Variants in KPNA3 observed in about 807,000 individuals in gnomAD.
KPNA3 encodes karyopherin subunit alpha 3.
Under a neutral mutation model 73.8 loss-of-function variants are expected in KPNA3, and 13 were observed. That is an observed-to-expected ratio of 0.18 (90% CI 0.11 to 0.28). KPNA3 has a LOEUF of 0.28. KPNA3 is among the 10% of genes least tolerant of loss of function. KPNA3 has a pLI of 1.00. For synonymous variants in KPNA3, 186 were observed against 206.9 expected, an observed-to-expected ratio of 0.90 and a Z score of 0.87; for missense variants, 360 against 618.1, an observed-to-expected ratio of 0.58 and a Z score of 4.43.
chr13:49,712,698 A>G (rs1364148904), intron 10 of KPNA3, among the ~76,000 whole-genome samples: 1 of 152,166 alleles, frequency 6.6e-6, no homozygotes, highest in Non-Finnish European at 1.5e-5. Flanking sequence ...GAGAAAATAG[A>G]ATAAGCTCAT....
chr13:49,788,641 C>T (rs1255994443), intron 1 of KPNA3, among the ~76,000 whole-genome samples: 1 of 151,122 alleles, frequency 6.6e-6, no homozygotes, highest in Admixed American at 6.6e-5. Flanking sequence ...ACGGCTTGAG[C>T]CTGGGAGGAG....
At chr13:49,710,533 C>G (rs559562855) in intron 11 of KPNA3, among the ~76,000 whole-genome samples, 1 of 152,232 alleles carries the variant, frequency 6.6e-6, no homozygotes, top group Non-Finnish European at 1.5e-5. Context: ...ATGGGAATTG[C>G]AAGGAGGAAT....
At chr13:49,707,056 A>G (rs557981835) in intron 12 of KPNA3, among the ~76,000 whole-genome samples, 2 of 152,232 alleles carry the variant, frequency 1.3e-5, no homozygotes, top group South Asian at 4.2e-4. Flanking sequence ...GCCACTATAC[A>G]ACTGAATTTC....
In KPNA3 at chr13:49,717,440, G is replaced by GAAAAA. The variant is rs61581557; in HGVS notation, c.771+2330_771+2334dup. Among the ~76,000 whole-genome samples the GAAAAA allele has an allele frequency of 5.8e-4, 74 of 126,914 alleles. 1 individual carries two copies. The East Asian group carries it at 8.7e-3, about 15-fold the overall frequency. 83.3% of individuals were successfully genotyped at this position (126,914 alleles called of 152,430 possible). ...GCAAGACTCCATCTCGGAAAAAAAA[G>GAAAAA]AAAAAAAAAAAAAAAAGAATCAAAG... On this transcript the variant is annotated intron_variant, in intron 10 of 16. Transcript: ENST00000261667.
intron 2 of KPNA3, among the ~76,000 whole-genome samples, chr13:49,741,554 C>T (rs1594445675): frequency 2.0e-5 from 3 of 151,570 alleles, no homozygotes; most frequent in East Asian, 3.9e-4. Context: ...CCCAGGTTCA[C>T]GCCATTCTCC....
intron 9 of KPNA3, among the ~76,000 whole-genome samples, chr13:49,721,661 T>C (rs1455106592): frequency 6.6e-6 from 1 of 151,818 alleles, no homozygotes; most frequent in Admixed American, 6.6e-5. Context: ...GTACTAAAAA[T>C]ACAAAAAAAT....
intron 6 of KPNA3, among the ~76,000 whole-genome samples, chr13:49,726,310 C>T (rs1054673942): frequency 6.6e-6 from 1 of 152,068 alleles, no homozygotes; most frequent in African/African-American, 2.4e-5. Context: ...ATTATATTTT[C>T]GAATAGTAAT....
At chr13:49,780,225 C>A (rs904096498) in intron 1 of KPNA3, among the ~76,000 whole-genome samples, 3 of 152,118 alleles carry the variant, frequency 2.0e-5, no homozygotes, top group Non-Finnish European at 2.9e-5. Flanking sequence ...TAGAATACAA[C>A]CACACTCATT....
intron 2 of KPNA3, among the ~76,000 whole-genome samples, chr13:49,742,959 C>T (rs1954586327): frequency 6.6e-6 from 1 of 151,992 alleles, no homozygotes; most frequent in African/African-American, 2.4e-5. Context: ...TGAATATCAG[C>T]ACTTAATCGA....
intron 1 of KPNA3, among the ~76,000 whole-genome samples, chr13:49,769,358 T>A (rs1447364351): frequency 1.3e-5 from 2 of 152,200 alleles, no homozygotes; most frequent in East Asian, 3.8e-4. Flanking sequence ...AGTACAGAGT[T>A]GTATAACCAT....
chr13:49,738,513 T>C (rs1185650222), intron 2 of KPNA3, among the ~76,000 whole-genome samples: 1 of 152,226 alleles, frequency 6.6e-6, no homozygotes, highest in African/African-American at 2.4e-5. Context: ...CATTTACTTG[T>C]CTTGTTTCAT....
chr13:49,749,998 C>T (rs570309384), intron 1 of KPNA3, among the ~76,000 whole-genome samples: 3 of 152,312 alleles, frequency 2.0e-5, no homozygotes, highest in Admixed American at 2.0e-4. Flanking sequence ...CTCATGTCTG[C>T]AATTACTGCT....
intron 1 of KPNA3, among the ~76,000 whole-genome samples, chr13:49,769,298 A>C (rs935655968): frequency 4.6e-5 from 7 of 152,200 alleles, no homozygotes; most frequent in Middle Eastern, 3.2e-3. Flanking sequence ...ATTCAGATAT[A>C]ATGCCCACGC....
rs116349666 is a variant in KPNA3, at chr13:49,705,268, A to G, written c.1372+353T>C. 2.9e-3 allele frequency among the ~76,000 whole-genome samples: 444 copies of G among 151,764 alleles called. 5 individuals are homozygous for G. The highest frequency in any genetic ancestry group is 0.01 in the African/African-American group (428 of 41,360). ...CGGCTACCTGGGAGGCTGAGGTGTG[A>G]GAATTGCTTGAACTCGGGAGGCAGA... On this transcript the variant is annotated intron_variant, in intron 15 of 16. Transcript: ENST00000261667.
chr13:49,762,520 A>C (rs919027857), intron 1 of KPNA3, among the ~76,000 whole-genome samples: 21 of 146,342 alleles, frequency 1.4e-4, no homozygotes, highest in Non-Finnish European at 1.7e-4. Flanking sequence ...TTCTGTACTA[A>C]GAAAGATTCT....
At chr13:49,757,401 A>C (rs1295441454) in intron 1 of KPNA3, among the ~76,000 whole-genome samples, 1 of 152,232 alleles carries the variant, frequency 6.6e-6, no homozygotes, top group African/African-American at 2.4e-5. Flanking sequence ...AAATGAAAAA[A>C]TATTTCATGG....
At chr13:49,755,888 T>C (rs995734131) in intron 1 of KPNA3, among the ~76,000 whole-genome samples, 13 of 152,196 alleles carry the variant, frequency 8.5e-5, no homozygotes, top group African/African-American at 3.1e-4. Flanking sequence ...ATCTATTAAG[T>C]GAGTTCAACA....
chr13:49,774,313 C>G (rs761641723), intron 1 of KPNA3, among the ~76,000 whole-genome samples: 1 of 152,184 alleles, frequency 6.6e-6, no homozygotes, highest in Non-Finnish European at 1.5e-5. Flanking sequence ...ACATGAGCCA[C>G]AGCCCCAACA....
intron 2 of KPNA3, among the ~76,000 whole-genome samples, chr13:49,741,905 G>GC (rs1954577814): frequency 6.6e-6 from 1 of 152,048 alleles, no homozygotes; most frequent in African/African-American, 2.4e-5. Flanking sequence ...TGATATAATT[G>GC]CATCTGTCTA....
Sources: allele counts gnomAD v4.1 joint callset (sites outside exome capture counted in the v4.1 genomes callset), GRCh38; gene constraint gnomAD v4.1.1; transcripts MANE v1.5; gene names NCBI Gene and HGNC (gene_info 2026-07-23, HGNC 2026-07-21).